Variants in MACC1 observed in about 807,000 individuals in gnomAD.
MACC1 encodes metastasis-associated in colon cancer protein 1.
A neutral mutation model predicts 70.7 loss-of-function variants in MACC1; 79 were observed. The ratio of observed to expected loss-of-function variants is 1.12; its 90% CI spans 0.93 to 1.35. MACC1 has a LOEUF of 1.35. Ranked by LOEUF, MACC1 falls within the 40% of genes most tolerant of loss-of-function variation. The pLI is 0.00. For missense variants in MACC1, 1,106 were observed against 978.1 expected, an observed-to-expected ratio of 1.13 and a Z score of -1.74; for synonymous variants, 361 against 347.2, an observed-to-expected ratio of 1.04 and a Z score of -0.44.
At chr7:20,182,335 G>C (rs1447591104) in intron 1 of MACC1, among the ~76,000 whole-genome samples, 1 of 152,020 alleles carries the variant, frequency 6.6e-6, no homozygotes, top group African/African-American at 2.4e-5. Context: ...AAAACTTAAA[G>C]TATAATAATA....
chr7:20,151,982 T>C (rs1240954956), intron 6 of MACC1, among the ~76,000 whole-genome samples: 1 of 152,186 alleles, frequency 6.6e-6, no homozygotes, highest in Non-Finnish European at 1.5e-5. Flanking sequence ...GCAAGTTACT[T>C]ATCCTCTCCA....
At chr7:20,152,446 A>T (rs184674462) in intron 6 of MACC1, among the ~76,000 whole-genome samples, 138 of 152,294 alleles carry the variant, frequency 9.1e-4, no homozygotes, top group African/African-American at 3.2e-3. Context: ...GGAAATTAGC[A>T]TATATTTACC....
chr7:20,182,582 G>A (rs918273453), intron 1 of MACC1, among the ~76,000 whole-genome samples: 1 of 152,126 alleles, frequency 6.6e-6, no homozygotes, highest in African/African-American at 2.4e-5. Flanking sequence ...TTGTCTTGCT[G>A]GACCATATAT....
chr7:20,159,261 T>G lies in MACC1; in HGVS notation c.1100A>C (p.His367Pro), dbSNP rs1782104426. The G allele has an allele frequency of 1.2e-6, 2 of 1,613,912 alleles. No homozygotes were observed. Among genetic ancestry groups the G allele is most frequent in the African/African-American group, 2.7e-5 (2 of 74,928 alleles). Residue 367 changes from histidine to proline, a missense_variant, in exon 5 of 7, where the codon CAC (histidine) becomes CCC (proline). His to Pro is a moderately conservative substitution (Grantham distance 77, BLOSUM62 -2). Transcript: ENST00000400331. Reference protein sequence around the residue: ...SPAATIWDYIHKTTSIGIYGP... With the variant: ...SPAATIWDYIPKTTSIGIYGP... ...ATAAATTCCAATTGAGGTGGTTTTG[T>G]GGATATAATCCCAAATGGTGGCAGC...
At chr7:20,171,674 C>T (rs373504235) in intron 1 of MACC1, among the ~76,000 whole-genome samples, 1 of 151,684 alleles carries the variant, frequency 6.6e-6, no homozygotes, top group Non-Finnish European at 1.5e-5. Flanking sequence ...CTCCACCTCC[C>T]AGGTTCAAGC....
chr7:20,195,247 A>C (rs1321245802), intron 1 of MACC1, among the ~76,000 whole-genome samples: 1 of 152,176 alleles, frequency 6.6e-6, no homozygotes, highest in Non-Finnish European at 1.5e-5. Context: ...AACCCGCCGT[A>C]CCTTGCTATT....
intron 1 of MACC1, among the ~76,000 whole-genome samples, chr7:20,172,324 G>A (rs1310123065): frequency 1.3e-5 from 2 of 152,160 alleles, no homozygotes; most frequent in East Asian, 1.9e-4. Context: ...AACCAGGATG[G>A]CTGGTTACCA....
Position 20,134,806 on chromosome 7 carries a change from C to G in MACC1, c.*6140G>C, listed in dbSNP as rs1238790864. 2.6e-5 allele frequency: 4 copies of G among 152,078 alleles called. No individual in the cohort carries two copies. The highest frequency in any genetic ancestry group is 5.9e-5 in the Non-Finnish European group (4 of 68,014). 9.4% of individuals were successfully genotyped at this position (152,078 alleles called of 1,614,324 possible). A position where few individuals can be genotyped will look rare whatever the true frequency, so the allele number is the denominator to read the frequency against. On this transcript the variant is annotated 3_prime_UTR_variant, in exon 7 of 7. Transcript: ENST00000400331. ...GGCAGAGTCTTGATATCTTTAAGAA[C>G]AGAGAAAAGGAAGCCATAGATTCTT...
In MACC1 at chr7:20,159,064, A is replaced by T. The variant is rs768647328; in HGVS notation, c.1297T>A (p.Leu433Ile). 8 of 1,613,668 alleles carry T rather than the reference A, an allele frequency of 5.0e-6. No individual in the cohort carries two copies. The highest frequency in any genetic ancestry group is 6.8e-6 in the Non-Finnish European group (8 of 1,179,970). ...TCACAGGAAAAAATAGAAATACTTAAATCTTGTGGCTTGTCAAGTAAAAAT... is the reference window on the plus strand; with the variant it reads ...TCACAGGAAAAAATAGAAATACTTATATCTTGTGGCTTGTCAAGTAAAAAT... ...QSFLLDKPQD[L>I]SISIFSCDPD... Residue 433 changes from leucine (L) to isoleucine (I), a missense_variant, in exon 5 of 7, where the codon TTA becomes ATA. Coordinates refer to ENST00000400331, the MANE Select transcript of MACC1 (RefSeq NM_182762.4).
intron 4 of MACC1, among the ~76,000 whole-genome samples, chr7:20,161,260 T>C (rs953757231): frequency 6.6e-6 from 1 of 152,144 alleles, no homozygotes; most frequent in Admixed American, 6.5e-5. Context: ...AGAATTTCTT[T>C]TGTTTAATAT....
At chr7:20,192,571 A>G (rs1027138432) in intron 1 of MACC1, among the ~76,000 whole-genome samples, 2 of 152,168 alleles carry the variant, frequency 1.3e-5, no homozygotes, top group African/African-American at 4.8e-5. Context: ...GGAGCCTAAG[A>G]ACTACAGTCT....
intron 5 of MACC1, 33 bp from the exon 6 acceptor site, chr7:20,154,414 C>G (rs376851566): frequency 1.7e-5 from 27 of 1,589,914 alleles, no homozygotes; most frequent in Non-Finnish European, 2.2e-5. Flanking sequence ...CAATTAAAAG[C>G]AACTAACTTG....
chr7:20,211,609 A>G (rs142217225), intron 1 of MACC1, among the ~76,000 whole-genome samples: 3,134 of 152,312 alleles, frequency 0.021, 47 homozygotes, highest in Non-Finnish European at 0.032. Context: ...TTTGATTAGA[A>G]CATTTGAGAT....
chr7:20,148,964 C>A (rs1377265679), intron 6 of MACC1, among the ~76,000 whole-genome samples: 1 of 152,134 alleles, frequency 6.6e-6, no homozygotes, highest in African/African-American at 2.4e-5. Context: ...GAATTAAGTA[C>A]CAAGGCTAGA....
At position 20,158,847 on chromosome 7, in the gene MACC1, G is replaced by C; in HGVS notation, c.1514C>G (p.Pro505Arg). 6.2e-7 allele frequency: 1 copy of C among 1,613,688 alleles called. No individual in the cohort carries two copies. Among genetic ancestry groups the C allele is most frequent in the Non-Finnish European group, 8.5e-7 (1 of 1,179,706 alleles). The change falls in exon 5 of 7, where the codon CCT (proline) becomes CGT (arginine). Residue 505 changes from proline (P) to arginine (R), a missense_variant. Transcript: ENST00000400331. ...TCTTTTTAGGTTTGGGGTTGGATCA[G>C]GAGTAGTGATAGAGAACTGTGCAAC... is the stretch of plus-strand genomic sequence containing the variant. ...EPVAQFSITT[P>R]DPTPNLKRLS...
intron 1 of MACC1, among the ~76,000 whole-genome samples, chr7:20,208,194 G>A (rs1022157159): frequency 8.5e-5 from 13 of 152,130 alleles, no homozygotes; most frequent in African/African-American, 2.7e-4. Context: ...TCATAGAAGC[G>A]TAAACATGGA....
chr7:20,210,433 T>C (rs1782978720), intron 1 of MACC1, among the ~76,000 whole-genome samples: 1 of 152,208 alleles, frequency 6.6e-6, no homozygotes, highest in Admixed American at 6.5e-5. Context: ...GTCACTTTCA[T>C]CGCACTATGA....
At chr7:20,168,012 A>C (rs1229264091) in intron 2 of MACC1, among the ~76,000 whole-genome samples, 1 of 152,198 alleles carries the variant, frequency 6.6e-6, no homozygotes, top group Non-Finnish European at 1.5e-5. Context: ...GCCATGAAGA[A>C]AGGAGAAAAG....
At chr7:20,145,657 A>G (rs1364828370) in intron 6 of MACC1, among the ~76,000 whole-genome samples, 1 of 152,166 alleles carries the variant, frequency 6.6e-6, no homozygotes, top group Non-Finnish European at 1.5e-5. Context: ...AGCATATATA[A>G]AGCACCCAAG....
Sources: allele counts gnomAD v4.1 joint callset (sites outside exome capture counted in the v4.1 genomes callset), GRCh38; gene constraint gnomAD v4.1.1; transcripts MANE v1.5; gene names NCBI Gene and HGNC (gene_info 2026-07-23, HGNC 2026-07-21).